BCAS1: variants seen among roughly 807,000 people sequenced by gnomAD.
BCAS1 encodes breast carcinoma-amplified sequence 1.
BCAS1 carries 46 observed loss-of-function variants against 65.4 expected under a neutral mutation model. The observed-to-expected ratio is 0.70, with a 90% confidence interval of 0.55 to 0.90. The LOEUF is 0.90. Among genes scored for constraint, BCAS1 ranks in the 40% least tolerant of loss-of-function variants. BCAS1 has a pLI of 0.00. For synonymous variants in BCAS1, 298 were observed against 293.5 expected (o/e 1.02, Z -0.16); for missense variants, 793 against 771.2 (o/e 1.03, Z -0.33).
Position 54,041,615 on chromosome 20 carries a change from G to T in BCAS1, c.143-12643C>A, listed in dbSNP as rs182346642. ...AGAGCAGCTGTGGCTGGGTACGGTG[G>T]CTTAACGCCTGTAATCCTAGCACTT... On this transcript the variant is annotated intron_variant, in intron 3 of 12. Coordinates refer to ENST00000688948, the MANE Select transcript of BCAS1 (RefSeq NM_001366298.2). 1.7e-3 allele frequency among the ~76,000 whole-genome samples: 254 copies of T among 152,228 alleles called. 1 individual carries two copies. The highest frequency in any genetic ancestry group is 3.3e-3 in the Non-Finnish European group (224 of 68,014).
At chr20:53,995,200 T>C (rs2090874166) in intron 5 of BCAS1, 144 bp from the exon 6 acceptor site, 2 of 652,432 alleles carry the variant, frequency 3.1e-6, no homozygotes, top group Non-Finnish European at 5.2e-6. Context: ...TCAATAGAAA[T>C]CTCAGGACCG....
chr20:54,060,048 A>T (rs1568932964), intron 1 of BCAS1, among the ~76,000 whole-genome samples: 1 of 152,108 alleles, frequency 6.6e-6, no homozygotes, highest in Non-Finnish European at 1.5e-5. Context: ...TCCACAAACG[A>T]GGTTGTTTCT....
At chr20:54,053,147 A>G (rs2092245619) in intron 3 of BCAS1, among the ~76,000 whole-genome samples, 1 of 152,250 alleles carries the variant, frequency 6.6e-6, no homozygotes, top group African/African-American at 2.4e-5. Flanking sequence ...CCAAAACGGG[A>G]CACTCAAATA....
intron 12 of BCAS1, among the ~76,000 whole-genome samples, chr20:53,946,354 A>G (rs1396751422): frequency 6.6e-6 from 1 of 151,930 alleles, no homozygotes; most frequent in Non-Finnish European, 1.5e-5. Context: ...ATGGGATCCT[A>G]GAGTATACAC....
intron 3 of BCAS1, among the ~76,000 whole-genome samples, chr20:54,035,945 T>C (rs1030357823): frequency 2.0e-5 from 3 of 151,140 alleles, no homozygotes; most frequent in Admixed American, 6.6e-5. Flanking sequence ...TAGCAAAGTA[T>C]TGCCGAAAAA....
chr20:53,996,710 G>C (rs2090925008), intron 4 of BCAS1, among the ~76,000 whole-genome samples: 1 of 152,068 alleles, frequency 6.6e-6, no homozygotes, highest in African/African-American at 2.4e-5. Context: ...CCCTGGCCTT[G>C]TCTCTGGTTG....
At chr20:53,956,082 C>T (rs181706984) in intron 11 of BCAS1, among the ~76,000 whole-genome samples, 152 of 152,278 alleles carry the variant, frequency 1.0e-3, no homozygotes, top group African/African-American at 3.5e-3. Context: ...TCCCTATCAG[C>T]AGCATAATAG....
chr20:54,065,737 G>A (rs1441522342), intron 1 of BCAS1, among the ~76,000 whole-genome samples: 1 of 152,188 alleles, frequency 6.6e-6, no homozygotes, highest in African/African-American at 2.4e-5. Context: ...CTCTGCCTGG[G>A]CTCCCCTCTG....
chr20:53,967,117 T>C (rs2090054136), intron 9 of BCAS1, 44 bp from the exon 10 acceptor site: 1 of 1,595,430 alleles, frequency 6.3e-7, no homozygotes. Flanking sequence ...AAACAAAACA[T>C]TCCCCCAAAA....
intron 9 of BCAS1, among the ~76,000 whole-genome samples, chr20:53,974,089 T>C (rs1292663426): frequency 6.6e-6 from 1 of 152,120 alleles, no homozygotes; most frequent in Non-Finnish European, 1.5e-5. Context: ...GCTCTGTGTC[T>C]AGCAAAAGGA....
intron 1 of BCAS1, among the ~76,000 whole-genome samples, chr20:54,065,192 C>CAA (rs1568938064): frequency 6.6e-6 from 1 of 150,850 alleles, no homozygotes; most frequent in Non-Finnish European, 1.5e-5. Context: ...ATCTCACACA[C>CAA]ACTATATATA....
Position 54,032,462 on chromosome 20 carries a change from C to T in BCAS1, c.143-3490G>A, listed in dbSNP as rs1411863456. ...CAACATCATGATGACGGTATCAAATCGACACATAGCAACACTAACCTTAAA... is the reference window on the plus strand; with the variant it reads ...CAACATCATGATGACGGTATCAAATTGACACATAGCAACACTAACCTTAAA... On this transcript the variant is annotated intron_variant, in intron 3 of 12. Coordinates refer to ENST00000688948, the MANE Select transcript of BCAS1 (RefSeq NM_001366298.2). Among the ~76,000 whole-genome samples, 14 of 151,084 alleles carry T rather than the reference C, an allele frequency of 9.3e-5. 2 individuals are homozygous for T. Among genetic ancestry groups the T allele is most frequent in the Admixed American group, 7.9e-4 (12 of 15,122 alleles).
chr20:54,001,777 G>A (rs2091059699), intron 4 of BCAS1, among the ~76,000 whole-genome samples: 1 of 152,186 alleles, frequency 6.6e-6, no homozygotes, highest in Non-Finnish European at 1.5e-5. Context: ...TTGGCTCTAT[G>A]TGTAGTAAAC....
intron 3 of BCAS1, among the ~76,000 whole-genome samples, chr20:54,031,545 G>A (rs547014952): frequency 2.6e-5 from 4 of 151,176 alleles, no homozygotes; most frequent in African/African-American, 9.7e-5. Context: ...ATAAAAATAA[G>A]TCCTGTAACT....
In BCAS1 at chr20:54,023,505, A is replaced by C. The variant is rs576993820; in HGVS notation, c.723+4887T>G. Among the ~76,000 whole-genome samples the C allele has an allele frequency of 7.4e-4, 113 of 152,352 alleles. 1 individual carries two copies. The highest frequency in any genetic ancestry group is 1.4e-3 in the Non-Finnish European group (98 of 68,032). On this transcript the variant is annotated intron_variant, in intron 4 of 12. Transcript: ENST00000688948. ...GCGAGAGGGATTCATGCTGTCCGAA[A>C]TCATCCAAGAGTGGAGATATCTGGT... is the stretch of plus-strand genomic sequence containing the variant.
At chr20:54,017,889 G>A (rs764790973) in intron 4 of BCAS1, among the ~76,000 whole-genome samples, 12 of 151,800 alleles carry the variant, frequency 7.9e-5, no homozygotes, top group East Asian at 1.9e-4. Flanking sequence ...CCAATGTTAC[G>A]GAAAACAAAC....
chr20:54,030,939 G>A (rs2091786756), intron 3 of BCAS1, among the ~76,000 whole-genome samples: 1 of 151,438 alleles, frequency 6.6e-6, no homozygotes, highest in Non-Finnish European at 1.5e-5. Flanking sequence ...ATGCATCAGG[G>A]TGTAAAGTTA....
At chr20:54,024,098 A>G (rs1427424001) in intron 4 of BCAS1, among the ~76,000 whole-genome samples, 4 of 152,240 alleles carry the variant, frequency 2.6e-5, no homozygotes, top group African/African-American at 4.8e-5. Flanking sequence ...TACTATTATT[A>G]TCCCCATTTT....
Position 53,985,484 on chromosome 20 carries a change from G to A in BCAS1, c.1078C>T (p.Pro360Ser). 1.2e-6 allele frequency: 2 copies of A among 1,613,864 alleles called. No homozygotes were observed. The highest frequency in any genetic ancestry group is 1.7e-6 in the Non-Finnish European group (2 of 1,179,928). ...FFRHKGAEKS[P>S]TTSADLKSDK... is the part of the protein sequence containing the mutation. ...GACTTAAGGTCAGCTGAAGTGGTGG[G>A]TGACTTTTCAGCACCCTAAAGAGTT... is the stretch of plus-strand genomic sequence containing the variant. Residue 360 changes from proline (P) to serine (S), a missense_variant, in exon 8 of 13, where the codon CCC (proline) becomes TCC (serine). Transcript: ENST00000688948.
Sources: allele counts gnomAD v4.1 joint callset (sites outside exome capture counted in the v4.1 genomes callset), GRCh38; gene constraint gnomAD v4.1.1; transcripts MANE v1.5; gene names NCBI Gene and HGNC (gene_info 2026-07-23, HGNC 2026-07-21).